ATP9B: variants seen among roughly 807,000 people sequenced by gnomAD.
The protein encoded by ATP9B is ATPase phospholipid transporting 9B, also known as probable phospholipid-transporting ATPase IIB.
ATP9B carries 110 observed loss-of-function variants against 146.1 expected under a neutral mutation model. That is an observed-to-expected ratio of 0.75 (90% CI 0.65 to 0.88). The LOEUF is 0.88. ATP9B is among the 40% of genes least tolerant of loss of function. The pLI is 0.00. For synonymous variants in ATP9B, 604 were observed against 569.7 expected (o/e 1.06, Z -0.86); for missense variants, 1,499 against 1,496.4 (o/e 1.00, Z -0.03).
At chr18:79,343,943 A>G (rs939055027) in intron 20 of ATP9B, 16 of 408,834 alleles carry the variant, frequency 3.9e-5, no homozygotes, top group Non-Finnish European at 3.1e-5. Flanking sequence ...CAAACTATCC[A>G]GAAGGTAATT....
At chr18:79,130,934 G>A (rs887057909) in intron 5 of ATP9B, among the ~76,000 whole-genome samples, 4 of 152,244 alleles carry the variant, frequency 2.6e-5, no homozygotes, top group African/African-American at 9.6e-5. Flanking sequence ...GCCGAGGCAG[G>A]TGGATAACTT....
At chr18:79,224,990 C>T (rs2095715115) in intron 11 of ATP9B, among the ~76,000 whole-genome samples, 1 of 151,218 alleles carries the variant, frequency 6.6e-6, no homozygotes, top group Admixed American at 6.6e-5. Flanking sequence ...TGCTTCTTGT[C>T]AGACAGGAAA....
intron 20 of ATP9B, among the ~76,000 whole-genome samples, chr18:79,342,723 A>T: frequency 6.6e-6 from 1 of 152,112 alleles, no homozygotes. Flanking sequence ...TTTTTTGCTT[A>T]TACTATTAGT....
At chr18:79,075,122 G>T (rs561386831) in intron 1 of ATP9B, among the ~76,000 whole-genome samples, 1 of 151,254 alleles carries the variant, frequency 6.6e-6, no homozygotes, top group Non-Finnish European at 1.5e-5. Context: ...TGTCCCCCAG[G>T]CTGGAGTGCA....
intron 25 of ATP9B, 99 bp downstream of exon 25, chr18:79,348,295 G>C: frequency 8.8e-7 from 1 of 1,135,812 alleles, no homozygotes. Flanking sequence ...GAAGATTCTT[G>C]ATACAGTCAT....
At chr18:79,144,954 A>G (rs969221357) in intron 6 of ATP9B, 51 of 217,076 alleles carry the variant, frequency 2.3e-4, no homozygotes, top group Non-Finnish European at 2.9e-4. Context: ...TATAAGAAAA[A>G]CATCAAAGGT....
chr18:79,373,973 C>T lies in ATP9B; in HGVS notation c.3146C>T (p.Ala1049Val). Residue 1049 changes from alanine (A) to valine (V), a missense_variant, in exon 28 of 30, where the codon GCA (alanine) becomes GTA (valine). By Grantham distance (64) the Ala-to-Val change is moderately conservative. Transcript: ENST00000426216. ...CACGTGGTGGCCATCTCCTTCACCG[C>T]ACTGATCCTGACCGAGCTGCTGATG... is the stretch of plus-strand genomic sequence containing the variant. ...FVHVVAISFT[A>V]LILTELLMVA... is the part of the protein sequence containing the mutation. 6.2e-7 allele frequency: 1 copy of T among 1,614,070 alleles called. No individual in the cohort carries two copies. Among genetic ancestry groups the T allele is most frequent in the Non-Finnish European group, 8.5e-7 (1 of 1,180,050 alleles).
intron 9 of ATP9B, among the ~76,000 whole-genome samples, chr18:79,195,393 A>C (rs1027629169): frequency 2.0e-5 from 3 of 152,204 alleles, no homozygotes; most frequent in Non-Finnish European, 4.4e-5. Flanking sequence ...GATCATAGAC[A>C]TGAGAGCCAT....
At chr18:79,206,863 T>C (rs1294735555) in intron 9 of ATP9B, 74 bp from the exon 10 acceptor site, 2 of 1,398,822 alleles carry the variant, frequency 1.4e-6, no homozygotes, top group Non-Finnish European at 1.0e-6. Flanking sequence ...CTGTTTCTAA[T>C]ACTGAGGTTA....
chr18:79,148,495 A>C (rs1296763057), intron 6 of ATP9B, among the ~76,000 whole-genome samples: 1 of 152,232 alleles, frequency 6.6e-6, no homozygotes, highest in African/African-American at 2.4e-5. Flanking sequence ...ATAAAGAAAA[A>C]TCACACAATC....
At chr18:79,181,941 T>G (rs1037935538) in intron 8 of ATP9B, among the ~76,000 whole-genome samples, 11 of 152,328 alleles carry the variant, frequency 7.2e-5, no homozygotes, top group Admixed American at 5.9e-4. Context: ...CTTTCCTGCT[T>G]CTTTCCGTGT....
In ATP9B at chr18:79,118,992, G is replaced by A. The variant is rs548112591; in HGVS notation, c.558+5638G>A. On this transcript the variant is annotated intron_variant, in intron 4 of 29. Coordinates refer to ENST00000426216, the MANE Select transcript of ATP9B (RefSeq NM_198531.5). ...AAGCTGAGGTTGGAGGATTGCTTGAGCCTGGGACACAGAAATTGTTGTGAG... is the reference window on the plus strand; with the variant it reads ...AAGCTGAGGTTGGAGGATTGCTTGAACCTGGGACACAGAAATTGTTGTGAG... Among the ~76,000 whole-genome samples, 5 of 151,750 alleles carry A rather than the reference G, an allele frequency of 3.3e-5. No individual in the cohort carries two copies. In the East Asian group the frequency reaches 5.8e-4, roughly 18 times the overall value.
chr18:79,319,525 A>G (rs1358743487), intron 15 of ATP9B, among the ~76,000 whole-genome samples: 2 of 152,094 alleles, frequency 1.3e-5, no homozygotes, highest in Non-Finnish European at 2.9e-5. Context: ...TTCCTTCCGT[A>G]GGGGTCCCTG....
chr18:79,341,869 C>T (rs562973753), intron 19 of ATP9B, among the ~76,000 whole-genome samples: 6 of 152,344 alleles, frequency 3.9e-5, no homozygotes, highest in African/African-American at 1.4e-4. Flanking sequence ...CCACCCCTTC[C>T]AGAACTGTTC....
Position 79,277,125 on chromosome 18 carries a change from G to A in ATP9B, c.1340G>A (p.Gly447Asp). Reference sequence around the variant, plus strand: ...ATGATGAAAGATGAGAACATCCCTGGCACGGTCGTTCGGACCAGCACTATC... The same window carrying A: ...ATGATGAAAGATGAGAACATCCCTGACACGGTCGTTCGGACCAGCACTATC... The part of the protein sequence containing the change: ...WMMMKDENIP[G>D]TVVRTSTIPE... The change falls in exon 13 of 30, where the codon GGC (glycine) becomes GAC (aspartate). Residue 447 changes from glycine (G) to aspartate (D), a missense_variant. Transcript: ENST00000426216. 1.2e-6 allele frequency: 2 copies of A among 1,614,212 alleles called. No individual in the cohort carries two copies. Among genetic ancestry groups the A allele is most frequent in the Non-Finnish European group, 1.7e-6 (2 of 1,180,036 alleles).
chr18:79,350,618 G>T (rs892510520), intron 25 of ATP9B, among the ~76,000 whole-genome samples: 8 of 152,344 alleles, frequency 5.3e-5, no homozygotes, highest in African/African-American at 1.9e-4. Flanking sequence ...GGTAGGATTT[G>T]TGCTAATATT....
chr18:79,345,274 G>A (rs941712248), intron 21 of ATP9B, among the ~76,000 whole-genome samples, 154 bp from the exon 22 acceptor site: 1 of 152,306 alleles, frequency 6.6e-6, no homozygotes, highest in African/African-American at 2.4e-5. Context: ...TCCCCTGTCC[G>A]TGAGTCCTGT....
intron 1 of ATP9B, chr18:79,085,178 G>C (rs1465685687): frequency 1.3e-5 from 2 of 152,178 alleles, no homozygotes; most frequent in Non-Finnish European, 2.9e-5. Context: ...GGAGGTCCCA[G>C]ACTTTTATAA....
Position 79,373,880 on chromosome 18 carries a change from GCTC to G in ATP9B, c.3071-15_3071-13del. The G allele has an allele frequency of 1.2e-6, 2 of 1,612,202 alleles. No homozygotes were observed. Among genetic ancestry groups the G allele is most frequent in the Non-Finnish European group, 1.7e-6 (2 of 1,179,896 alleles). On this transcript the variant is annotated splice_polypyrimidine_tract_variant and intron_variant, in intron 27 of 29. Coordinates refer to ENST00000426216, the MANE Select transcript of ATP9B (RefSeq NM_198531.5). ...CACCCTGCTCGTGTGCATGGAAAAA[GCTC>G]CTGCTGTTTTTCAGGCGGCATCCTC...
Sources: allele counts gnomAD v4.1 joint callset (sites outside exome capture counted in the v4.1 genomes callset), GRCh38; gene constraint gnomAD v4.1.1; transcripts MANE v1.5; gene names NCBI Gene and HGNC (gene_info 2026-07-23, HGNC 2026-07-21).